The following LRRC37A2 variants were observed in gnomAD, a reference collection of about 807,000 sequenced individuals.
LRRC37A2 encodes the protein leucine-rich repeat-containing protein 37A2.
In LRRC37A2, 9 loss-of-function variants were observed where a neutral mutation model predicts 68.8. The observed-to-expected ratio is 0.13, with a 90% CI of 0.08 to 0.23. The LOEUF is 0.23. Ranked by LOEUF, LRRC37A2 falls within the 10% of genes least tolerant of loss-of-function variation. The pLI, the probability that LRRC37A2 is intolerant of heterozygous loss-of-function variation, is 1.00. For synonymous variants in LRRC37A2, 63 were observed against 367.6 expected (o/e 0.17, Z 9.48); for missense variants, 168 against 950.4 (o/e 0.18, Z 10.82).
the LRRC37A2 span, among the ~76,000 whole-genome samples, chr17:46,829,119 C>G: frequency 6.6e-6 from 1 of 152,164 alleles, no homozygotes; most frequent in Non-Finnish European, 1.5e-5. Flanking sequence ...CTGGAAGCTA[C>G]TGAATTGTGC....
At chr17:46,976,219 C>T in the LRRC37A2 span, among the ~76,000 whole-genome samples, 1 of 150,930 alleles carries the variant, frequency 6.6e-6, no homozygotes, top group South Asian at 2.1e-4. Flanking sequence ...AGCCACCACG[C>T]CTGGCGATAA....
At chr17:46,775,649 T>C in the LRRC37A2 span, among the ~76,000 whole-genome samples, 1 of 147,728 alleles carries the variant, frequency 6.8e-6, no homozygotes, top group Admixed American at 6.8e-5. Context: ...AGTCTCGCTG[T>C]GTCACCCAGG....
the LRRC37A2 span, among the ~76,000 whole-genome samples, chr17:46,787,233 G>A: frequency 1.3e-4 from 19 of 147,180 alleles, no homozygotes; most frequent in Admixed American, 4.2e-4. Flanking sequence ...GAGCCAGCGT[G>A]CCCAGCCAAT....
chr17:46,383,355 GAGTT>G, the LRRC37A2 span, among the ~76,000 whole-genome samples: 3 of 124,130 alleles, frequency 2.4e-5, no homozygotes, highest in Non-Finnish European at 3.4e-5. Flanking sequence ...ATATGTGTAA[GAGTT>G]AGCATGTGTG....
At chr17:46,707,843 C>A in the LRRC37A2 span, among the ~76,000 whole-genome samples, 1 of 151,758 alleles carries the variant, frequency 6.6e-6, no homozygotes, top group Non-Finnish European at 1.5e-5. Context: ...ACTAGCCTGG[C>A]CAACATAGTG....
the LRRC37A2 span, among the ~76,000 whole-genome samples, chr17:46,888,811 C>T: frequency 6.6e-6 from 1 of 152,188 alleles, no homozygotes; most frequent in Non-Finnish European, 1.5e-5. Flanking sequence ...ACCACCAATG[C>T]ACCTGGTGCT....
At chr17:46,862,111 C>T in the LRRC37A2 span, among the ~76,000 whole-genome samples, 9 of 146,014 alleles carry the variant, frequency 6.2e-5, no homozygotes, top group African/African-American at 2.0e-4. Context: ...TGCAGTGAGC[C>T]GAGATTGTGC....
chr17:46,974,439 AAGG>A, the LRRC37A2 span, among the ~76,000 whole-genome samples: 1 of 152,188 alleles, frequency 6.6e-6, no homozygotes, highest in Admixed American at 6.5e-5. Flanking sequence ...GTGGGGAGCA[AAGG>A]AGGTCATCTC....
the LRRC37A2 span, among the ~76,000 whole-genome samples, chr17:46,826,280 G>A: frequency 6.6e-6 from 1 of 152,220 alleles, no homozygotes; most frequent in Non-Finnish European, 1.5e-5. Flanking sequence ...CCAGCTATGG[G>A]CCCTGAGTCC....
chr17:46,938,182 T>C, the LRRC37A2 span, among the ~76,000 whole-genome samples: 1 of 152,100 alleles, frequency 6.6e-6, no homozygotes, highest in Non-Finnish European at 1.5e-5. Flanking sequence ...TTTTTAGATA[T>C]TCTCCTGTGT....
At chr17:46,536,986 C>A (rs2054622663) in intron 6 of LRRC37A2, among the ~76,000 whole-genome samples, 1 of 14,562 alleles carries the variant, frequency 6.9e-5, no homozygotes. Context: ...TCTCACTGTT[C>A]TTACAGAAAT....
chr17:46,935,061 A>G, the LRRC37A2 span: 191 of 1,612,066 alleles, frequency 1.2e-4, no homozygotes, highest in African/African-American at 2.2e-3. Context: ...TGGACGAATC[A>G]CTGCAGTTTA....
chr17:46,851,082 A>G, the LRRC37A2 span, among the ~76,000 whole-genome samples: 4 of 152,136 alleles, frequency 2.6e-5, no homozygotes, highest in Non-Finnish European at 5.9e-5. The surrounding 1 kb of genome is among the most constrained non-coding windows in gnomAD (Gnocchi z 4.3). Flanking sequence ...GCGGTTCTGC[A>G]CCAGGACCCG....
the LRRC37A2 span, among the ~76,000 whole-genome samples, chr17:46,771,260 C>T: frequency 1.3e-5 from 2 of 152,096 alleles, no homozygotes; most frequent in Non-Finnish European, 2.9e-5. Flanking sequence ...CCGAGGACGG[C>T]GGCAAGGGGG....
chr17:46,799,048 A>G, the LRRC37A2 span, among the ~76,000 whole-genome samples: 4 of 100,216 alleles, frequency 4.0e-5, no homozygotes, highest in African/African-American at 8.9e-5. Context: ...CTCCGTCTCA[A>G]AAAAAAAAAA....
At chr17:47,000,946 A>G in the LRRC37A2 span, among the ~76,000 whole-genome samples, 3 of 152,184 alleles carry the variant, frequency 2.0e-5, no homozygotes, top group Admixed American at 2.0e-4. Flanking sequence ...GACCAGCCAG[A>G]CCAATGTGGT....
the LRRC37A2 span, among the ~76,000 whole-genome samples, chr17:46,583,232 G>T: frequency 1.4e-5 from 1 of 69,620 alleles, no homozygotes. Context: ...CCAAAGTGCT[G>T]AGATTACAGG....
chr17:46,951,897 C>CA, the LRRC37A2 span, among the ~76,000 whole-genome samples: 11 of 152,274 alleles, frequency 7.2e-5, 1 homozygote, highest in East Asian at 1.7e-3. Flanking sequence ...TTCTCCCCCC[C>CA]AGACATCACC....
chr17:46,490,493 C>G, the LRRC37A2 span, among the ~76,000 whole-genome samples: 4 of 151,096 alleles, frequency 2.6e-5, no homozygotes, highest in East Asian at 7.8e-4. Flanking sequence ...GAGGCCGAGG[C>G]GGGTGGATTG....
Sources: allele counts gnomAD v4.1 joint callset (sites outside exome capture counted in the v4.1 genomes callset), GRCh38; gene constraint gnomAD v4.1.1; non-coding constraint Gnocchi (gnomAD v3.1); transcripts MANE v1.5; gene names NCBI Gene and HGNC (gene_info 2026-07-23, HGNC 2026-07-21).